SPRED2: variants seen among roughly 807,000 people sequenced by gnomAD.
SPRED2 encodes the protein sprouty-related, EVH1 domain-containing protein 2.
A neutral mutation model predicts 43.0 loss-of-function variants in SPRED2; 47 were observed. That is an observed-to-expected ratio of 1.09 (90% CI 0.87 to 1.40). The LOEUF (loss-of-function observed/expected upper bound fraction) is 1.40, where lower values mean the gene tolerates loss of function less well. Among genes scored for constraint, SPRED2 ranks in the 40% most tolerant of loss-of-function variants. The pLI, the probability that SPRED2 is intolerant of heterozygous loss-of-function variation, is 0.00. For synonymous variants in SPRED2, 225 were observed against 225.7 expected (o/e 1.00, Z 0.03); for missense variants, 561 against 586.4 (o/e 0.96, Z 0.45).
At chr2:65,365,533 G>T (rs1162344047) in intron 1 of SPRED2, among the ~76,000 whole-genome samples, 1 of 152,160 alleles carries the variant, frequency 6.6e-6, no homozygotes, top group Non-Finnish European at 1.5e-5. Flanking sequence ...GGTAACCCCA[G>T]ATCTGTTTAA....
chr2:65,322,852 C>A (rs188432427), intron 4 of SPRED2, among the ~76,000 whole-genome samples: 1 of 152,284 alleles, frequency 6.6e-6, no homozygotes, highest in Admixed American at 6.5e-5. Context: ...ATTTTTCTGT[C>A]TACTGAGATG....
intron 1 of SPRED2, among the ~76,000 whole-genome samples, chr2:65,418,244 CA>C (rs1676334544): frequency 6.6e-6 from 1 of 152,196 alleles, no homozygotes; most frequent in Admixed American, 6.5e-5. Flanking sequence ...ACTCAAAGAA[CA>C]AAAGTCCAAA....
At chr2:65,320,504 G>T (rs1290393473) in intron 4 of SPRED2, among the ~76,000 whole-genome samples, 1 of 152,204 alleles carries the variant, frequency 6.6e-6, no homozygotes, top group Admixed American at 6.5e-5. Flanking sequence ...TTTGTCAGAG[G>T]ATGTGAGACT....
chr2:65,336,901 G>A (rs1415891032), intron 2 of SPRED2, among the ~76,000 whole-genome samples: 1 of 152,210 alleles, frequency 6.6e-6, no homozygotes, highest in African/African-American at 2.4e-5. Flanking sequence ...GAGGTCAGGA[G>A]ATCGAGACCA....
chr2:65,327,889 A>T lies in SPRED2; in HGVS notation c.438+4098T>A, dbSNP rs924373747. Among the ~76,000 whole-genome samples the T allele has an allele frequency of 5.3e-5, 8 of 151,226 alleles. No homozygotes were observed. In the South Asian group the frequency reaches 1.0e-3, roughly 20 times the overall value. ...CAGGGGCCCGCCATCATGCCTGGCT[A>T]ATTTTTGTATTTTTAGTAGAGATGG... On this transcript the variant is annotated intron_variant, in intron 4 of 5. Transcript: ENST00000356388.
chr2:65,362,415 G>A (rs1340750410), intron 1 of SPRED2, among the ~76,000 whole-genome samples: 2 of 151,964 alleles, frequency 1.3e-5, no homozygotes, highest in African/African-American at 2.4e-5. Context: ...AACTACAGGC[G>A]CCCGACACCA....
chr2:65,317,160 C>CG (rs954126778), intron 4 of SPRED2, among the ~76,000 whole-genome samples: 28 of 152,022 alleles, frequency 1.8e-4, no homozygotes, highest in Non-Finnish European at 3.4e-4. Flanking sequence ...TGACTGGGTG[C>CG]GGGGGGAAAG....
Position 65,313,363 on chromosome 2 carries a change from C to T in SPRED2, c.*138G>A, listed in dbSNP as rs1673124461. ...GCAGCGTCCCTGGCTGGAATGGTGCCTCGAGGTACCAGGGAGCTGGGAGGC... is the reference window on the plus strand; with the variant it reads ...GCAGCGTCCCTGGCTGGAATGGTGCTTCGAGGTACCAGGGAGCTGGGAGGC... On this transcript the variant is annotated 3_prime_UTR_variant, in exon 6 of 6. Coordinates refer to ENST00000356388, the MANE Select transcript of SPRED2 (RefSeq NM_181784.3). The T allele has an allele frequency of 2.7e-6, 4 of 1,493,450 alleles. No homozygotes were observed. The highest frequency in any genetic ancestry group is 3.5e-6 in the Non-Finnish European group (4 of 1,130,936). The allele number at this position is 1,493,450 out of a possible 1,614,324, so 92.5% of individuals were successfully genotyped here. A position where few individuals can be genotyped will look rare whatever the true frequency, so the allele number is the denominator to read the frequency against.
chr2:65,429,987 G>C (rs1300907716), intron 1 of SPRED2, among the ~76,000 whole-genome samples: 1 of 152,218 alleles, frequency 6.6e-6, no homozygotes, highest in Non-Finnish European at 1.5e-5. Context: ...GCCACAAAAA[G>C]AGCCAGGTCA....
At chr2:65,344,623 G>A (rs531962214) in intron 2 of SPRED2, 96 bp downstream of exon 2, 3 of 1,493,792 alleles carry the variant, frequency 2.0e-6, no homozygotes, top group African/African-American at 1.4e-5. Flanking sequence ...GTCAGAGAAA[G>A]AAAGAAAAAA....
intron 1 of SPRED2, among the ~76,000 whole-genome samples, chr2:65,374,998 T>G (rs1489235362): frequency 1.3e-5 from 2 of 152,174 alleles, no homozygotes; most frequent in Non-Finnish European, 2.9e-5. Context: ...GTGTGGCAGA[T>G]GAGTGTTTTA....
chr2:65,353,833 G>C (rs1023455346), intron 1 of SPRED2, among the ~76,000 whole-genome samples: 4 of 152,100 alleles, frequency 2.6e-5, no homozygotes, highest in Non-Finnish European at 5.9e-5. Context: ...TACACCTCCA[G>C]GTCACTAGAG....
At chr2:65,356,421 AT>A (rs1674647294) in intron 1 of SPRED2, among the ~76,000 whole-genome samples, 1 of 151,326 alleles carries the variant, frequency 6.6e-6, no homozygotes. Context: ...TTGTAGTGTT[AT>A]GGTTGATTTC....
intron 4 of SPRED2, among the ~76,000 whole-genome samples, chr2:65,325,813 AT>A (rs1673593873): frequency 1.3e-5 from 2 of 152,278 alleles, no homozygotes; most frequent in East Asian, 3.9e-4. Flanking sequence ...AATAGAAAAT[AT>A]CTTTGTAAAA....
intron 4 of SPRED2, among the ~76,000 whole-genome samples, chr2:65,319,979 A>G (rs1303264944): frequency 1.3e-5 from 2 of 152,152 alleles, no homozygotes; most frequent in African/African-American, 2.4e-5. Flanking sequence ...CTATGCTAAG[A>G]GGTATTTTGT....
chr2:65,323,806 G>A (rs760990706), intron 4 of SPRED2, among the ~76,000 whole-genome samples: 7 of 152,026 alleles, frequency 4.6e-5, no homozygotes, highest in Admixed American at 1.3e-4. Context: ...AACGTGGGAG[G>A]AAGAGGTTGC....
intron 1 of SPRED2, chr2:65,377,811 G>C (rs1675280774): frequency 2.3e-6 from 1 of 431,868 alleles, no homozygotes; most frequent in Non-Finnish European, 4.8e-6. Context: ...AGGAGCCCGG[G>C]GGCAGTCCCA....
At chr2:65,401,937 G>GTGCGCGCGCGCACACA (rs1553426614) in intron 1 of SPRED2, among the ~76,000 whole-genome samples, 46 of 114,758 alleles carry the variant, frequency 4.0e-4, no homozygotes, top group African/African-American at 1.5e-3. Context: ...GCGCGCGCGC[G>GTGCGCGCGCGCACACA]CACACACACA....
chr2:65,342,250 G>A (rs1398680464), intron 2 of SPRED2, among the ~76,000 whole-genome samples: 8 of 139,248 alleles, frequency 5.7e-5, no homozygotes, highest in African/African-American at 8.1e-5. Flanking sequence ...TTTTGTATAC[G>A]TATATTATGT....
Sources: allele counts gnomAD v4.1 joint callset (sites outside exome capture counted in the v4.1 genomes callset), GRCh38; gene constraint gnomAD v4.1.1; transcripts MANE v1.5; gene names NCBI Gene and HGNC (gene_info 2026-07-23, HGNC 2026-07-21).